SLC24A2: variants seen among roughly 807,000 people sequenced by gnomAD.
The protein encoded by SLC24A2 is solute carrier family 24 member 2, also known as sodium/potassium/calcium exchanger 2.
Under a neutral mutation model 62.0 loss-of-function variants are expected in SLC24A2, and 36 were observed. That is an observed-to-expected ratio of 0.58 (90% CI 0.44 to 0.77). The LOEUF (loss-of-function observed/expected upper bound fraction) is 0.77, where lower values mean the gene tolerates loss of function less well. Ranked by LOEUF, SLC24A2 falls within the 30% of genes least tolerant of loss-of-function variation. The probability of loss-of-function intolerance (pLI) is 0.00; values close to 1 mark genes in which losing one functional copy is unlikely to be tolerated. For synonymous variants in SLC24A2, 358 were observed against 294.0 expected (o/e 1.22, Z -2.23); for missense variants, 846 against 817.9 (o/e 1.03, Z -0.42).
chr9:20,285,679 C>G, the SLC24A2 span, among the ~76,000 whole-genome samples: 2,271 of 152,264 alleles, frequency 0.015, 56 homozygotes, highest in African/African-American at 0.052. Context: ...AATGTTTGAC[C>G]AAATTTCTGG....
At chr9:19,573,651 A>T (rs1167025481) in intron 6 of SLC24A2, among the ~76,000 whole-genome samples, 182 bp from the exon 7 acceptor site, 1 of 152,068 alleles carries the variant, frequency 6.6e-6, no homozygotes, top group Non-Finnish European at 1.5e-5. Context: ...AGGGGCGATA[A>T]GGCCCAGGGC....
At chr9:19,555,404 A>G (rs1469210946) in intron 7 of SLC24A2, among the ~76,000 whole-genome samples, 10 of 152,172 alleles carry the variant, frequency 6.6e-5, no homozygotes, top group Admixed American at 2.6e-4. Context: ...GGGAGTTCAG[A>G]GCCAAATTTG....
intron 8 of SLC24A2, among the ~76,000 whole-genome samples, chr9:19,542,417 T>A (rs1026969667): frequency 3.9e-5 from 6 of 152,190 alleles, no homozygotes; most frequent in Non-Finnish European, 7.3e-5. Context: ...TTTTCCTAAT[T>A]GAACACCCTT....
chr9:19,884,347 A>T, the SLC24A2 span, among the ~76,000 whole-genome samples: 1 of 152,142 alleles, frequency 6.6e-6, no homozygotes, highest in Non-Finnish European at 1.5e-5. Flanking sequence ...CTTGATGATT[A>T]CTGGATGACA....
chr9:19,955,629 T>C, the SLC24A2 span, among the ~76,000 whole-genome samples: 47 of 152,132 alleles, frequency 3.1e-4, no homozygotes, highest in African/African-American at 8.0e-4. Context: ...AATAAAAATG[T>C]AGATTCCTAT....
intron 9 of SLC24A2, among the ~76,000 whole-genome samples, chr9:19,525,392 T>G (rs1005254941): frequency 5.6e-5 from 1 of 17,716 alleles, no homozygotes; most frequent in Non-Finnish European, 8.2e-5. Flanking sequence ...ATTTCTTTAC[T>G]TTTTTTTTTT....
the SLC24A2 span, among the ~76,000 whole-genome samples, chr9:19,887,372 G>A: frequency 6.6e-6 from 1 of 152,112 alleles, no homozygotes; most frequent in Non-Finnish European, 1.5e-5. Flanking sequence ...TCACTCTGTT[G>A]ATAGTGTCTT....
chr9:19,919,085 A>G, the SLC24A2 span, among the ~76,000 whole-genome samples: 1 of 152,216 alleles, frequency 6.6e-6, no homozygotes, highest in Admixed American at 6.5e-5. Context: ...TTTCAGGAGA[A>G]CTTTTATTAC....
In SLC24A2 at chr9:19,550,686, T is replaced by G. The variant is rs7869741; in HGVS notation, c.1348-418A>C. ...GGCTCCTTGGGAAGGAGAGCACTGA[T>G]AAAAAATATTTCTTTTTCTCTTTTT... On this transcript the variant is annotated intron_variant, in intron 7 of 10. Coordinates refer to ENST00000341998, the MANE Select transcript of SLC24A2 (RefSeq NM_020344.4). Among the ~76,000 whole-genome samples the G allele has an allele frequency of 2.0e-5, 3 of 150,652 alleles. No individual in the cohort carries two copies. The South Asian group carries it at 6.3e-4, about 31-fold the overall frequency.
At chr9:20,193,256 C>T in the SLC24A2 span, among the ~76,000 whole-genome samples, 53 of 152,022 alleles carry the variant, frequency 3.5e-4, no homozygotes, top group African/African-American at 1.2e-3. Flanking sequence ...GATTTGTAAC[C>T]CTGAGTAGCA....
At chr9:19,829,532 G>A in the SLC24A2 span, among the ~76,000 whole-genome samples, 1 of 151,878 alleles carries the variant, frequency 6.6e-6, no homozygotes, top group South Asian at 2.1e-4. Context: ...TACCGCAGCT[G>A]TTAGAAAGCT....
At chr9:20,014,868 CAG>C in the SLC24A2 span, among the ~76,000 whole-genome samples, 1 of 152,034 alleles carries the variant, frequency 6.6e-6, no homozygotes, top group Non-Finnish European at 1.5e-5. Flanking sequence ...TTCAAAATAA[CAG>C]AGATTATTTC....
At chr9:19,821,003 T>G in the SLC24A2 span, among the ~76,000 whole-genome samples, 2 of 152,154 alleles carry the variant, frequency 1.3e-5, no homozygotes, top group African/African-American at 2.4e-5. Flanking sequence ...GAAAAAATAC[T>G]TTTATTTCAA....
chr9:20,048,943 T>A, the SLC24A2 span, among the ~76,000 whole-genome samples: 1 of 151,704 alleles, frequency 6.6e-6, no homozygotes, highest in East Asian at 1.9e-4. Flanking sequence ...ATTTTTATTT[T>A]TTATTATTAT....
At chr9:20,210,071 T>C in the SLC24A2 span, among the ~76,000 whole-genome samples, 222 of 152,304 alleles carry the variant, frequency 1.5e-3, 2 homozygotes, top group African/African-American at 5.0e-3. Flanking sequence ...CTAGCAAGTG[T>C]TATTTCTTCC....
At chr9:20,270,282 A>C in the SLC24A2 span, among the ~76,000 whole-genome samples, 100,655 of 152,050 alleles carry the variant, frequency 0.66, 35,892 homozygotes, top group East Asian at 0.96. Context: ...TGGGAATAAA[A>C]AAACCATAGC....
chr9:19,685,075 T>C (rs1413326632), intron 2 of SLC24A2, among the ~76,000 whole-genome samples: 1 of 152,024 alleles, frequency 6.6e-6, no homozygotes, highest in African/African-American at 2.4e-5. Flanking sequence ...ACTGCGCCAC[T>C]GGAGCATGCT....
At chr9:20,123,078 G>A in the SLC24A2 span, among the ~76,000 whole-genome samples, 1 of 152,088 alleles carries the variant, frequency 6.6e-6, no homozygotes, top group Non-Finnish European at 1.5e-5. Context: ...ATAAATAACA[G>A]GAATTTGTTT....
At chr9:20,000,746 G>A in the SLC24A2 span, among the ~76,000 whole-genome samples, 5 of 152,168 alleles carry the variant, frequency 3.3e-5, no homozygotes, top group Non-Finnish European at 4.4e-5. Flanking sequence ...TTTGCCTTAA[G>A]CATAAAGACA....
Sources: allele counts gnomAD v4.1 joint callset (sites outside exome capture counted in the v4.1 genomes callset), GRCh38; gene constraint gnomAD v4.1.1; transcripts MANE v1.5; gene names NCBI Gene and HGNC (gene_info 2026-07-23, HGNC 2026-07-21).